WDFY3: variants seen among roughly 807,000 people sequenced by gnomAD.
The protein encoded by WDFY3 is WD repeat and FYVE domain containing 3.
Under a neutral mutation model 409.6 loss-of-function variants are expected in WDFY3, and 66 were observed. The observed-to-expected ratio is 0.16, with a 90% CI of 0.13 to 0.20. WDFY3 has a LOEUF of 0.20. Among genes scored for constraint, WDFY3 ranks in the 10% least tolerant of loss-of-function variants. The probability of loss-of-function intolerance (pLI) is 1.00; values close to 1 mark genes in which losing one functional copy is unlikely to be tolerated. For synonymous variants in WDFY3, 1,521 were observed against 1,537.1 expected, an observed-to-expected ratio of 0.99 and a Z score of 0.25; for missense variants, 3,031 against 4,298.1, an observed-to-expected ratio of 0.71 and a Z score of 8.24.
chr4:84,966,091 G>A lies in WDFY3; in HGVS notation c.-226+118C>T, dbSNP rs1424885715. 2.6e-5 allele frequency: 4 copies of A among 151,958 alleles called. No individual in the cohort carries two copies. The East Asian group carries it at 7.8e-4, about 30-fold the overall frequency. 9.4% of individuals were successfully genotyped at this position (151,958 alleles called of 1,614,324 possible). ...CCTGTCCCTAGGGGGAGCGGGCGCA[G>A]GGCCGCGAGTGGGCAGCGCCTCCGC... On this transcript the variant is annotated intron_variant, in intron 1 of 67. Coordinates refer to ENST00000295888, the MANE Select transcript of WDFY3 (RefSeq NM_014991.6).
intron 30 of WDFY3, among the ~76,000 whole-genome samples, chr4:84,767,934 T>C (rs1206871118): frequency 6.6e-6 from 1 of 151,866 alleles, no homozygotes; most frequent in East Asian, 1.9e-4. Flanking sequence ...AATGAAGAAA[T>C]GAACTGGGTG....
chr4:84,877,797 T>C (rs1167845522), intron 3 of WDFY3, among the ~76,000 whole-genome samples: 3 of 152,134 alleles, frequency 2.0e-5, no homozygotes. Flanking sequence ...ATACCTGACA[T>C]GGTACCTGAC....
At chr4:84,962,327 C>T (rs948643341) in intron 1 of WDFY3, among the ~76,000 whole-genome samples, 3 of 151,706 alleles carry the variant, frequency 2.0e-5, no homozygotes, top group Non-Finnish European at 4.4e-5. Flanking sequence ...CATCACTGAA[C>T]AAAATACTGA....
In WDFY3 at chr4:84,808,644, T is replaced by G. The variant is rs559671022; in HGVS notation, c.2346-227A>C. Among the ~76,000 whole-genome samples, 12 of 152,324 alleles carry G rather than the reference T, an allele frequency of 7.9e-5. No homozygotes were observed. In the East Asian group the frequency reaches 2.1e-3, roughly 27 times the overall value. On this transcript the variant is annotated intron_variant, in intron 14 of 67. Transcript: ENST00000295888. ...TTCATGTTAACATTTAACACATCTG[T>G]TAAACAGGGTGCTCTAAGCCCTATT...
At chr4:84,834,196 T>C (rs1367605704) in intron 7 of WDFY3, among the ~76,000 whole-genome samples, 1 of 152,228 alleles carries the variant, frequency 6.6e-6, no homozygotes, top group Admixed American at 6.5e-5. Flanking sequence ...TAAAATACTT[T>C]TTTACAAATC....
chr4:84,868,848 T>C (rs1296985817), intron 3 of WDFY3, among the ~76,000 whole-genome samples: 1 of 152,192 alleles, frequency 6.6e-6, no homozygotes, highest in Non-Finnish European at 1.5e-5. Flanking sequence ...CTTGGTATGA[T>C]TAATACAGTA....
chr4:84,855,405 T>C (rs1409692572), intron 4 of WDFY3, among the ~76,000 whole-genome samples: 1 of 152,222 alleles, frequency 6.6e-6, no homozygotes, highest in Non-Finnish European at 1.5e-5. Context: ...ATTTTTAAAA[T>C]AATCATTTTT....
intron 36 of WDFY3, among the ~76,000 whole-genome samples, chr4:84,750,622 A>G (rs539418087): frequency 1.3e-5 from 2 of 152,222 alleles, no homozygotes; most frequent in Non-Finnish European, 2.9e-5. Flanking sequence ...ATTTATATGA[A>G]TTGGTCAAAA....
At position 84,916,919 on chromosome 4, in the gene WDFY3, C is replaced by A. The variant is rs551374546; in HGVS notation, c.-132+15351G>T. 2.6e-3 allele frequency among the ~76,000 whole-genome samples: 389 copies of A among 152,188 alleles called. 3 individuals carry two copies. Among genetic ancestry groups the A allele is most frequent in the Non-Finnish European group, 4.3e-3 (292 of 67,996 alleles). ...TAGACTCAATGATAAAAGATGTTTG[C>A]TGGCTCTCCTCTAATAACATTAAAC... On this transcript the variant is annotated intron_variant, in intron 2 of 67. Coordinates refer to ENST00000295888, the MANE Select transcript of WDFY3 (RefSeq NM_014991.6).
rs567606367 is a variant in WDFY3, at chr4:84,713,684, G to A, written c.7962-445C>T. 4.6e-5 allele frequency among the ~76,000 whole-genome samples: 7 copies of A among 152,266 alleles called. No individual in the cohort carries two copies. The South Asian group carries it at 1.5e-3, about 32-fold the overall frequency. On this transcript the variant is annotated intron_variant, in intron 50 of 67. Transcript: ENST00000295888. ...AATATAAAATTTTCTATAATGGAGG[G>A]ATTGCCAGGATCTGTATCACCCTTC...
At chr4:84,872,925 T>C (rs1397095088) in intron 3 of WDFY3, among the ~76,000 whole-genome samples, 1 of 151,996 alleles carries the variant, frequency 6.6e-6, no homozygotes. Context: ...GATAAGAAAA[T>C]AGTATCAGGG....
intron 57 of WDFY3, 91 bp downstream of exon 57, chr4:84,696,640 AC>A: frequency 7.8e-7 from 1 of 1,282,134 alleles, no homozygotes; most frequent in Non-Finnish European, 1.1e-6. Flanking sequence ...TTAGTAACAA[AC>A]AGGTGGTACT....
chr4:84,915,155 G>A (rs960472206), intron 2 of WDFY3, among the ~76,000 whole-genome samples: 10 of 152,218 alleles, frequency 6.6e-5, no homozygotes, highest in Middle Eastern at 3.4e-3. Flanking sequence ...CAGAATAGAG[G>A]TGGCTAGGAG....
intron 32 of WDFY3, among the ~76,000 whole-genome samples, chr4:84,763,841 A>T (rs1277832092): frequency 6.6e-6 from 1 of 152,178 alleles, no homozygotes; most frequent in Non-Finnish European, 1.5e-5. Flanking sequence ...TAATGCATGA[A>T]ATCAGGTAGG....
Position 84,796,730 on chromosome 4 carries a change from T to C in WDFY3, c.2958A>G (p.Glu986=). 6.2e-7 allele frequency: 1 copy of C among 1,613,458 alleles called. No homozygotes were observed. The highest frequency in any genetic ancestry group is 8.5e-7 in the Non-Finnish European group (1 of 1,179,626). The stretch of plus-strand genomic sequence containing the variant: ...TAAAAACATTATCAGTACCCAGACC[T>C]TCCAGAGATGTGATCATACTACCTG... The part of the protein sequence containing the change: ...EMRSSMITSL[E]GLGTDNVFSL... Residue 986 remains glutamate, a synonymous_variant, in exon 19 of 68, where the codon GAA becomes GAG. Transcript: ENST00000295888.
At chr4:84,724,116 CTG>C (rs1393272367) in intron 46 of WDFY3, among the ~76,000 whole-genome samples, 1 of 152,038 alleles carries the variant, frequency 6.6e-6, no homozygotes, top group Non-Finnish European at 1.5e-5. Flanking sequence ...CCTCCTGATG[CTG>C]TGTCATGAAA....
chr4:84,797,947 A>T (rs1749800024), intron 18 of WDFY3, 49 bp downstream of exon 18: 1 of 1,465,262 alleles, frequency 6.8e-7, no homozygotes, highest in Non-Finnish European at 9.4e-7. Flanking sequence ...CATCCCCTAC[A>T]TGATTTTCAT....
At chr4:84,788,272 A>G (rs1747883610) in intron 22 of WDFY3, among the ~76,000 whole-genome samples, 1 of 152,192 alleles carries the variant, frequency 6.6e-6, no homozygotes, top group African/African-American at 2.4e-5. Context: ...TCATAATAAC[A>G]TCTCAGCTTC....
In WDFY3 at chr4:84,696,007, A is replaced by G. The variant is rs1730084007; in HGVS notation, c.8864T>C (p.Ile2955Thr). The G allele has an allele frequency of 6.2e-7, 1 of 1,614,082 alleles. No individual in the cohort carries two copies. Among genetic ancestry groups the G allele is most frequent in the Non-Finnish European group, 8.5e-7 (1 of 1,180,030 alleles). The change falls in exon 58 of 68, where the codon ATT (isoleucine) becomes ACT (threonine). Residue 2955 changes from isoleucine (I) to threonine (T), a missense_variant. By Grantham distance (89) the Ile-to-Thr change is moderately conservative. Around this residue, in one of 16 missense-constraint regions of WDFY3, gnomAD observed 129 missense variants for 305.3 expected, o/e 0.42. Transcript: ENST00000295888. Reference protein sequence around the residue: ...INDPLKETATIGFINNFGQIP... With the variant: ...INDPLKETATTGFINNFGQIP... The stretch of plus-strand genomic sequence containing the variant: ...CTGACCGAAGTTATTAATGAACCCA[A>G]TTGTGGCTGTCTCCTTTAGTGGGTC...
Sources: gnomAD v4.1 joint callset for allele counts (sites outside exome capture counted in the v4.1 genomes callset) on GRCh38, gnomAD v4.1.1 for gene constraint, gnomAD v4.1.1 regional missense constraint, MANE v1.5 for transcripts, NCBI Gene and HGNC (gene_info 2026-07-23, HGNC 2026-07-21) for gene names.